Variants in SMARCD1 observed in about 807,000 individuals in gnomAD.
The protein encoded by SMARCD1 is SWI/SNF related BAF chromatin remodeling complex subunit D1.
Under a neutral mutation model 70.8 loss-of-function variants are expected in SMARCD1, and 16 were observed. The ratio of observed to expected loss-of-function variants is 0.23; its 90% CI spans 0.15 to 0.34. The LOEUF is 0.34. Among genes scored for constraint, SMARCD1 ranks in the 10% least tolerant of loss-of-function variants. The probability of loss-of-function intolerance (pLI) is 1.00; values close to 1 mark genes in which losing one functional copy is unlikely to be tolerated. For missense variants in SMARCD1, 409 were observed against 655.5 expected (o/e 0.62, Z 4.11); for synonymous variants, 249 against 246.0 (o/e 1.01, Z -0.11).
chr12:50,098,450 G>C (rs547454350), intron 11 of SMARCD1: 1 of 488,380 alleles, frequency 2.0e-6, no homozygotes, highest in Non-Finnish European at 3.7e-6. Context: ...TCTTCCTTCT[G>C]TATGTGTCTG....
chr12:50,098,843 T>A lies in SMARCD1; in HGVS notation c.1494+28T>A, dbSNP rs775963936. 2.5e-6 allele frequency: 4 copies of A among 1,609,390 alleles called. No individual in the cohort carries two copies. The African/African-American group carries it at 5.3e-5, about 22-fold the overall frequency. ...AAGTACATGGGGTGCACGGGGGAAA[T>A]TGACAAAAGGCACGGGGTTTTCACC... On this transcript the variant is annotated intron_variant, in intron 12 of 12. Transcript: ENST00000394963.
At chr12:50,085,794 A>C (rs189195538) in intron 1 of SMARCD1, 2 of 397,020 alleles carry the variant, frequency 5.0e-6, no homozygotes, top group Non-Finnish European at 8.8e-6. Flanking sequence ...GGATACCTGT[A>C]TGAGGGCCGG....
At position 50,090,273 on chromosome 12, in the gene SMARCD1, T is replaced by C. The variant is rs539701204; in HGVS notation, c.906T>C (p.Ala302=). The C allele has an allele frequency of 3.2e-5, 52 of 1,613,876 alleles. No individual in the cohort carries two copies. The South Asian group carries it at 5.7e-4, about 18-fold the overall frequency. Residue 302 remains alanine (A), a synonymous_variant, in exon 8 of 13, where the codon GCT becomes GCC. Coordinates refer to ENST00000394963, the MANE Select transcript of SMARCD1 (RefSeq NM_003076.5). Reference sequence around the variant, plus strand: ...AGTTTAAATTAGACCCCCGCCTAGCTCGACTCCTGGGCATCCATACCCAGA... The same window carrying C: ...AGTTTAAATTAGACCCCCGCCTAGCCCGACTCCTGGGCATCCATACCCAGA... ...PPQFKLDPRL[A]RLLGIHTQTR... is the part of the protein sequence containing the mutation.
intron 2 of SMARCD1, 52 bp downstream of exon 2, chr12:50,086,400 A>G: frequency 7.0e-7 from 1 of 1,425,064 alleles, no homozygotes. Flanking sequence ...GGGAGGACAC[A>G]GGTGGTGGGA....
At chr12:50,092,235 CTTTTTTTT>C (rs60619880) in intron 9 of SMARCD1, among the ~76,000 whole-genome samples, 51 of 91,146 alleles carry the variant, frequency 5.6e-4, no homozygotes, top group African/African-American at 2.1e-3. Context: ...TTCTTTCTTT[CTTTTTTTT>C]TTTTTTTTTT....
intron 11 of SMARCD1, 95 bp downstream of exon 11, chr12:50,097,067 A>AG: frequency 8.0e-7 from 1 of 1,250,776 alleles, no homozygotes; most frequent in Non-Finnish European, 1.1e-6. Context: ...CAGAGGAAGG[A>AG]GTGAGGGGCC....
chr12:50,090,584 T>G lies in SMARCD1; in HGVS notation c.1127T>G (p.Val376Gly). 1 of 1,612,252 alleles carries G rather than the reference T, an allele frequency of 6.2e-7. No homozygotes were observed. The highest frequency in any genetic ancestry group is 1.7e-5 in the Admixed American group (1 of 60,004). Residue 376 changes from valine to glycine, a missense_variant, in exon 9 of 13, where the codon GTC becomes GGC. By Grantham distance (109) the Val-to-Gly change is moderately radical. This residue lies in a region of SMARCD1 where 269 missense variants were observed against 498.6 expected (regional missense o/e 0.54). Coordinates refer to ENST00000394963, the MANE Select transcript of SMARCD1 (RefSeq NM_003076.5). ...MPPEPIIINH[V>G]ISVDPNDQKK... Reference sequence around the variant, plus strand: ...CCAGAACCTATCATCATTAATCATGTCATCAGGTAGGCCTGTGTGTGGGAG... The same window carrying G: ...CCAGAACCTATCATCATTAATCATGGCATCAGGTAGGCCTGTGTGTGGGAG...
chr12:50,088,370 ATGCCTACTT>A (rs1467036153), intron 5 of SMARCD1, 142 bp from the exon 6 acceptor site: 5 of 697,716 alleles, frequency 7.2e-6, no homozygotes, highest in Admixed American at 4.3e-5. Context: ...ATACCTGCAG[ATGCCTACTT>A]TGCCTATCTC....
chr12:50,096,640 T>G, intron 10 of SMARCD1: 1 of 493,108 alleles, frequency 2.0e-6, no homozygotes. Flanking sequence ...TTTCCTCACA[T>G]GGGGTATACA....
intron 11 of SMARCD1, 46 bp from the exon 12 acceptor site, chr12:50,098,668 C>G (rs759820755): frequency 3.4e-6 from 5 of 1,486,616 alleles, no homozygotes; most frequent in Non-Finnish European, 4.7e-6. Flanking sequence ...GGAAACAAGC[C>G]TTTTCTCCTC....
chr12:50,098,846 A>G, intron 12 of SMARCD1, 31 bp downstream of exon 12: 1 of 1,608,622 alleles, frequency 6.2e-7, no homozygotes, highest in Admixed American at 1.7e-5. Flanking sequence ...GGGGAAATTG[A>G]CAAAAGGCAC....
intron 11 of SMARCD1, among the ~76,000 whole-genome samples, chr12:50,097,919 A>G (rs1022807783): frequency 6.6e-6 from 1 of 150,802 alleles, no homozygotes; most frequent in South Asian, 2.1e-4. Context: ...AAAAGACATT[A>G]TTAGACTGAC....
Position 50,086,327 on chromosome 12 carries a change from C to A in SMARCD1, c.344C>A (p.Ala115Glu). 7.3e-7 allele frequency: 1 copy of A among 1,368,936 alleles called. No homozygotes were observed. The highest frequency in any genetic ancestry group is 1.2e-5 in the South Asian group (1 of 86,350). The allele number at this position is 1,368,936 out of a possible 1,614,324, so 84.8% of individuals were successfully genotyped here. The change falls in exon 2 of 13, where the codon GCG becomes GAG. Residue 115 changes from alanine (A) to glutamate (E), a missense_variant. Coordinates refer to ENST00000394963, the MANE Select transcript of SMARCD1 (RefSeq NM_003076.5). ...PQQIQQVQQQ[A>E]VQNRNHNAKK... ...CAGATCCAGCAGGTCCAGCAGCAGG[C>A]GGTCCAAAATCGAAACCACAAGTAA...
At chr12:50,095,541 G>A (rs1420610494) in intron 10 of SMARCD1, among the ~76,000 whole-genome samples, 1 of 152,084 alleles carries the variant, frequency 6.6e-6, no homozygotes, top group African/African-American at 2.4e-5. Flanking sequence ...TGGTCAGGCT[G>A]GTCTTGAACT....
intron 11 of SMARCD1, 84 bp from the exon 12 acceptor site, chr12:50,098,630 A>C: frequency 1.7e-5 from 18 of 1,083,674 alleles, no homozygotes; most frequent in Non-Finnish European, 2.5e-5. Context: ...GGAAGGATAC[A>C]ATTTACCCAA....
At chr12:50,095,539 C>G (rs1950885210) in intron 10 of SMARCD1, among the ~76,000 whole-genome samples, 1 of 152,136 alleles carries the variant, frequency 6.6e-6, no homozygotes, top group Non-Finnish European at 1.5e-5. Context: ...ATTGGTCAGG[C>G]TGGTCTTGAA....
In SMARCD1 at chr12:50,086,209, A is replaced by T; in HGVS notation, c.226A>T (p.Met76Leu). 1.2e-6 allele frequency: 2 copies of T among 1,605,588 alleles called. No individual in the cohort carries two copies. The highest frequency in any genetic ancestry group is 1.7e-6 in the Non-Finnish European group (2 of 1,175,156). ...GSRMTPQGPS[M>L]GPPGYGGNPS... is the part of the protein sequence containing the mutation. Reference sequence around the variant, plus strand: ...CCGAATGACACCTCAGGGACCTTCCATGGGACCCCCTGGCTATGGGGGGAA... The same window carrying T: ...CCGAATGACACCTCAGGGACCTTCCTTGGGACCCCCTGGCTATGGGGGGAA... The change falls in exon 2 of 13, where the codon ATG becomes TTG. Residue 76 changes from methionine to leucine, a missense_variant. Met to Leu is a conservative substitution (Grantham distance 15, BLOSUM62 2). This residue lies in a region of SMARCD1 where 140 missense variants were observed against 156.9 expected (regional missense o/e 0.89). Coordinates refer to ENST00000394963, the MANE Select transcript of SMARCD1 (RefSeq NM_003076.5).
At chr12:50,098,662 A>G in intron 11 of SMARCD1, 52 bp from the exon 12 acceptor site, 1 of 1,446,094 alleles carries the variant, frequency 6.9e-7, no homozygotes, top group Non-Finnish European at 9.7e-7. Flanking sequence ...AAGGAAGGAA[A>G]CAAGCCTTTT....
At chr12:50,090,449 T>G in intron 8 of SMARCD1, 44 bp from the exon 9 acceptor site, 1 of 1,613,354 alleles carries the variant, frequency 6.2e-7, no homozygotes, top group South Asian at 1.1e-5. Flanking sequence ...AGAACACTAG[T>G]TATGCTCAAA....
Sources: allele counts gnomAD v4.1 joint callset (sites outside exome capture counted in the v4.1 genomes callset), GRCh38; gene constraint gnomAD v4.1.1; regional missense constraint gnomAD v4.1.1; transcripts MANE v1.5; gene names NCBI Gene and HGNC (gene_info 2026-07-23, HGNC 2026-07-21).